Variants in SNTG1 observed in about 807,000 individuals in gnomAD.
SNTG1 encodes the protein gamma-1-syntrophin.
SNTG1 carries 39 observed loss-of-function variants against 74.7 expected under a neutral mutation model. The observed-to-expected ratio is 0.52, with a 90% CI of 0.40 to 0.68. The LOEUF is 0.68. Among genes scored for constraint, SNTG1 ranks in the 30% least tolerant of loss-of-function variants. SNTG1 has a pLI of 0.00. For missense variants in SNTG1, 685 were observed against 609.5 expected (o/e 1.12, Z -1.30); for synonymous variants, 254 against 217.1 (o/e 1.17, Z -1.49).
At chr8:49,970,883 T>C (rs754205569) in intron 1 of SNTG1, among the ~76,000 whole-genome samples, 6 of 152,138 alleles carry the variant, frequency 3.9e-5, no homozygotes, top group Non-Finnish European at 5.9e-5. Flanking sequence ...CACACAGGAC[T>C]CAACTCCCAG....
intron 9 of SNTG1, among the ~76,000 whole-genome samples, chr8:50,517,640 A>G (rs1585547575): frequency 4.8e-4 from 67 of 140,524 alleles, no homozygotes; most frequent in Non-Finnish European, 7.8e-4. Context: ...AAAAAAAAAT[A>G]GCAGGGGTTG....
At chr8:50,501,486 A>G (rs1385390933) in intron 8 of SNTG1, among the ~76,000 whole-genome samples, 1 of 113,652 alleles carries the variant, frequency 8.8e-6, no homozygotes, top group East Asian at 3.0e-4. Context: ...CCCAGGCTGG[A>G]GTGCAGAGGT....
chr8:50,691,085 GT>G (rs2095376481), intron 15 of SNTG1, among the ~76,000 whole-genome samples: 1 of 151,518 alleles, frequency 6.6e-6, no homozygotes, highest in African/African-American at 2.4e-5. Context: ...GCCTTTTTTT[GT>G]TTTCCATTTG....
intron 18 of SNTG1, among the ~76,000 whole-genome samples, chr8:50,755,028 A>G (rs1001735523): frequency 2.0e-5 from 3 of 151,818 alleles, no homozygotes; most frequent in Non-Finnish European, 4.4e-5. Context: ...CTGTCCCTAC[A>G]CAAGCACAGC....
chr8:50,591,210 G>C (rs1189477603), intron 13 of SNTG1, among the ~76,000 whole-genome samples: 1 of 151,952 alleles, frequency 6.6e-6, no homozygotes, highest in African/African-American at 2.4e-5. Flanking sequence ...ACATATGTTA[G>C]TTTTAGTATA....
chr8:50,000,954 T>G (rs2130444885), intron 1 of SNTG1, among the ~76,000 whole-genome samples: 1 of 152,318 alleles, frequency 6.6e-6, no homozygotes, highest in African/African-American at 2.4e-5. Context: ...AGCCTTTCTT[T>G]TGCCTTCAAT....
At chr8:50,491,915 G>T (rs1330289833) in intron 8 of SNTG1, among the ~76,000 whole-genome samples, 1 of 129,256 alleles carries the variant, frequency 7.7e-6, no homozygotes, top group Non-Finnish European at 1.6e-5. Flanking sequence ...GCCCCAGTGT[G>T]TGATGTTCCC....
chr8:50,450,848 C>A, intron 8 of SNTG1, 119 bp downstream of exon 8: 2 of 967,036 alleles, frequency 2.1e-6, no homozygotes, highest in Admixed American at 3.0e-5. Context: ...AGTTTGATAT[C>A]AAATTTTCAA....
At chr8:49,942,625 T>C (rs1808800260) in intron 1 of SNTG1, among the ~76,000 whole-genome samples, 1 of 152,204 alleles carries the variant, frequency 6.6e-6, no homozygotes, top group East Asian at 1.9e-4. Flanking sequence ...TTTCCCAGAC[T>C]TCTTTTATTT....
At position 49,951,259 on chromosome 8, in the gene SNTG1, G is replaced by A. The variant is rs146375388; in HGVS notation, c.-103+39028G>A. On this transcript the variant is annotated intron_variant, in intron 1 of 18. Transcript: ENST00000642720. The stretch of plus-strand genomic sequence containing the variant: ...CAGCAATATTTTATCTGTGAAAAGG[G>A]AAATAATCAGTGGACTGAAAAATAA... Among the ~76,000 whole-genome samples the A allele has an allele frequency of 4.4e-4, 67 of 152,248 alleles. No individual in the cohort carries two copies. The East Asian group carries it at 0.011, about 25-fold the overall frequency.
At chr8:50,565,489 T>G (rs1223004391) in intron 12 of SNTG1, among the ~76,000 whole-genome samples, 10 of 152,060 alleles carry the variant, frequency 6.6e-5, no homozygotes, top group Admixed American at 6.6e-4. Context: ...GTCCTAATAT[T>G]AAAAAGTTTA....
intron 1 of SNTG1, among the ~76,000 whole-genome samples, chr8:49,973,374 G>A (rs558874052): frequency 5.3e-5 from 8 of 149,674 alleles, no homozygotes; most frequent in Non-Finnish European, 7.4e-5. Flanking sequence ...GGGGTGGGGG[G>A]AAGGGGGAGG....
At chr8:50,062,064 G>T (rs1344604818) in intron 1 of SNTG1, among the ~76,000 whole-genome samples, 1 of 151,962 alleles carries the variant, frequency 6.6e-6, no homozygotes, top group African/African-American at 2.4e-5. Context: ...TTGTTTTTGA[G>T]ACAGGGTCTC....
At chr8:49,932,797 G>A (rs974469311) in intron 1 of SNTG1, among the ~76,000 whole-genome samples, 2 of 151,950 alleles carry the variant, frequency 1.3e-5, no homozygotes, top group Non-Finnish European at 2.9e-5. Context: ...CCAGACCTTG[G>A]CAACCACTAA....
At chr8:50,009,983 G>A (rs1235036263) in intron 1 of SNTG1, among the ~76,000 whole-genome samples, 2 of 152,152 alleles carry the variant, frequency 1.3e-5, no homozygotes, top group Non-Finnish European at 2.9e-5. Context: ...GTGACAGAGT[G>A]AGACTCTGTC....
intron 13 of SNTG1, among the ~76,000 whole-genome samples, chr8:50,598,500 A>C (rs1485836273): frequency 6.6e-6 from 1 of 151,878 alleles, no homozygotes; most frequent in Non-Finnish European, 1.5e-5. Flanking sequence ...TATACTTTTA[A>C]AGTCATGTCG....
chr8:50,146,715 T>TA (rs749818472), intron 1 of SNTG1, among the ~76,000 whole-genome samples: 10 of 152,164 alleles, frequency 6.6e-5, no homozygotes, highest in Non-Finnish European at 1.2e-4. Flanking sequence ...ATTGATATTG[T>TA]AAGAGTTTTG....
chr8:50,510,126 G>T (rs143294991), intron 9 of SNTG1, among the ~76,000 whole-genome samples: 3 of 152,014 alleles, frequency 2.0e-5, no homozygotes, highest in African/African-American at 2.4e-5. Flanking sequence ...TAGCATGAAG[G>T]GTTGTTGAAT....
At chr8:50,413,012 T>C (rs1193086280) in intron 4 of SNTG1, among the ~76,000 whole-genome samples, 1 of 152,230 alleles carries the variant, frequency 6.6e-6, no homozygotes, top group Non-Finnish European at 1.5e-5. Context: ...AATTTTGTCA[T>C]AGACTGATAT....
Sources: allele counts gnomAD v4.1 joint callset (sites outside exome capture counted in the v4.1 genomes callset), GRCh38; gene constraint gnomAD v4.1.1; transcripts MANE v1.5; gene names NCBI Gene and HGNC (gene_info 2026-07-23, HGNC 2026-07-21).